Variants in CERS6 observed in about 807,000 individuals in gnomAD.
CERS6 encodes the protein LAG1 homolog, ceramide synthase 6.
In CERS6, 26 loss-of-function variants were observed where a neutral mutation model predicts 56.8. That is an observed-to-expected ratio of 0.46 (90% CI 0.34 to 0.63). The LOEUF (loss-of-function observed/expected upper bound fraction) is 0.63. Among genes scored for constraint, CERS6 ranks in the 30% least tolerant of loss-of-function variants. The pLI, the probability that CERS6 is intolerant of heterozygous loss-of-function variation, is 0.01. For missense variants in CERS6, 415 were observed against 467.5 expected, an observed-to-expected ratio of 0.89 and a Z score of 1.04; for synonymous variants, 164 against 173.3, an observed-to-expected ratio of 0.95 and a Z score of 0.42.
chr2:168,498,592 G>T (rs552451320), intron 1 of CERS6, among the ~76,000 whole-genome samples: 1 of 152,210 alleles, frequency 6.6e-6, no homozygotes, highest in Non-Finnish European at 1.5e-5. Context: ...TGTGTCCCAC[G>T]TTCACCTGGG....
At chr2:168,491,954 CT>C (rs1365262988) in intron 1 of CERS6, among the ~76,000 whole-genome samples, 4 of 152,064 alleles carry the variant, frequency 2.6e-5, no homozygotes, top group Non-Finnish European at 5.9e-5. Flanking sequence ...TGAACTTATC[CT>C]TTTTTATGGC....
chr2:168,765,512 T>A, intron 8 of CERS6, 80 bp from the exon 9 acceptor site: 1 of 1,430,926 alleles, frequency 7.0e-7, no homozygotes, highest in South Asian at 1.5e-5. Context: ...GTTGACCTTG[T>A]GCTTTAATGC....
At chr2:168,704,708 G>A (rs1203515143) in intron 6 of CERS6, among the ~76,000 whole-genome samples, 3 of 152,184 alleles carry the variant, frequency 2.0e-5, no homozygotes. Flanking sequence ...CCGGGTTCAA[G>A]CGATTCTCCT....
intron 8 of CERS6, among the ~76,000 whole-genome samples, chr2:168,750,072 G>T (rs371225470): frequency 6.6e-6 from 1 of 152,210 alleles, no homozygotes; most frequent in Non-Finnish European, 1.5e-5. Context: ...TGGCAATGGC[G>T]AACTGACGTG....
chr2:168,503,574 A>G (rs1415401685), intron 1 of CERS6, among the ~76,000 whole-genome samples: 1 of 152,140 alleles, frequency 6.6e-6, no homozygotes, highest in African/African-American at 2.4e-5. Context: ...AATGGCAGCA[A>G]TTGCCCTCAA....
At chr2:168,668,312 A>T (rs1328641273) in intron 4 of CERS6, among the ~76,000 whole-genome samples, 1 of 152,080 alleles carries the variant, frequency 6.6e-6, no homozygotes. Context: ...CAGTCACCCA[A>T]GCTAGAGATC....
At chr2:168,624,605 T>C (rs2105288418) in intron 3 of CERS6, among the ~76,000 whole-genome samples, 1 of 152,120 alleles carries the variant, frequency 6.6e-6, no homozygotes, top group East Asian at 1.9e-4. Context: ...AATAAATAGG[T>C]GACACCCCCC....
At chr2:168,701,239 T>G (rs750743951) in intron 6 of CERS6, among the ~76,000 whole-genome samples, 10 of 152,220 alleles carry the variant, frequency 6.6e-5, no homozygotes, top group Non-Finnish European at 1.5e-4. Flanking sequence ...GCTGCATATC[T>G]TAGCTTATCC....
intron 1 of CERS6, among the ~76,000 whole-genome samples, chr2:168,531,483 A>G (rs1695165733): frequency 6.6e-6 from 1 of 152,152 alleles, no homozygotes; most frequent in Admixed American, 6.5e-5. Flanking sequence ...GCTCTTTCAC[A>G]AATCTGTGCA....
intron 4 of CERS6, among the ~76,000 whole-genome samples, chr2:168,671,006 G>A (rs1432246910): frequency 7.6e-6 from 1 of 132,320 alleles, no homozygotes; most frequent in African/African-American, 2.7e-5. Flanking sequence ...CTGTTGCCAG[G>A]CTAGAGTTCA....
intron 3 of CERS6, among the ~76,000 whole-genome samples, chr2:168,585,964 A>C (rs1013993899): frequency 8.5e-5 from 13 of 152,166 alleles, no homozygotes; most frequent in Non-Finnish European, 1.6e-4. Flanking sequence ...CTTGAGTGCC[A>C]TCCTTGCTAA....
chr2:168,515,619 C>T (rs1191341331), intron 1 of CERS6, among the ~76,000 whole-genome samples: 2 of 151,778 alleles, frequency 1.3e-5, no homozygotes, highest in South Asian at 2.1e-4. Context: ...AAGTAATTGG[C>T]CCTGTTAAAA....
At chr2:168,732,776 G>A (rs1452571608) in intron 8 of CERS6, among the ~76,000 whole-genome samples, 1 of 152,052 alleles carries the variant, frequency 6.6e-6, no homozygotes, top group Non-Finnish European at 1.5e-5. Flanking sequence ...ATCCTTCAAA[G>A]GTTTGGGGAA....
chr2:168,542,157 A>G (rs1050849376), intron 1 of CERS6, among the ~76,000 whole-genome samples: 3 of 151,888 alleles, frequency 2.0e-5, no homozygotes, highest in Non-Finnish European at 2.9e-5. Flanking sequence ...TGGTGTTCAT[A>G]TGTTGTGAAA....
At chr2:168,535,890 C>A (rs761259193) in intron 1 of CERS6, among the ~76,000 whole-genome samples, 69 of 151,796 alleles carry the variant, frequency 4.5e-4, no homozygotes, top group Non-Finnish European at 8.2e-4. Flanking sequence ...GGTACATTTT[C>A]CTGATGTGGC....
In CERS6 at chr2:168,742,690, C is replaced by G. The variant is rs561103811; in HGVS notation, c.846-22902C>G. The stretch of plus-strand genomic sequence containing the variant: ...AGGGAACCACTAATACCAACACCCA[C>G]AGGTGGGAATGGCCTTGGTCTAGCC... On this transcript the variant is annotated intron_variant, in intron 8 of 9. Coordinates refer to ENST00000305747, the MANE Select transcript of CERS6 (RefSeq NM_203463.3). 6.6e-5 allele frequency among the ~76,000 whole-genome samples: 10 copies of G among 152,306 alleles called. No individual in the cohort carries two copies. In the South Asian group the frequency reaches 2.1e-3, roughly 32 times the overall value.
intron 4 of CERS6, among the ~76,000 whole-genome samples, chr2:168,632,011 T>C (rs1203996678): frequency 1.3e-5 from 2 of 151,128 alleles, no homozygotes; most frequent in Non-Finnish European, 2.9e-5. Flanking sequence ...GCTGTTGCTT[T>C]TACTATAATC....
intron 8 of CERS6, among the ~76,000 whole-genome samples, chr2:168,762,196 A>T (rs534369994): frequency 1.1e-4 from 16 of 152,218 alleles, no homozygotes; most frequent in Non-Finnish European, 1.9e-4. Flanking sequence ...AAATGCAAAA[A>T]AAAATAGTTT....
chr2:168,596,967 A>G (rs759242847), intron 3 of CERS6, among the ~76,000 whole-genome samples: 9 of 152,194 alleles, frequency 5.9e-5, no homozygotes, highest in Non-Finnish European at 1.0e-4. Flanking sequence ...TACTCTACCT[A>G]TTCTCTCTAA....
Sources: allele counts gnomAD v4.1 joint callset (sites outside exome capture counted in the v4.1 genomes callset), GRCh38; gene constraint gnomAD v4.1.1; transcripts MANE v1.5; gene names NCBI Gene and HGNC (gene_info 2026-07-23, HGNC 2026-07-21).